The following FAM135B variants were observed in gnomAD, a reference collection of about 807,000 sequenced individuals.
The protein encoded by FAM135B is protein FAM135B.
A neutral mutation model predicts 127.7 loss-of-function variants in FAM135B; 43 were observed. That is an observed-to-expected ratio of 0.34 (90% CI 0.26 to 0.43). The LOEUF (loss-of-function observed/expected upper bound fraction) is 0.43, where lower values mean the gene tolerates loss of function less well. FAM135B is among the 20% of genes least tolerant of loss of function. The pLI, the probability that FAM135B is intolerant of heterozygous loss-of-function variation, is 1.00. For missense variants in FAM135B, 1,558 were observed against 1,725.6 expected, an observed-to-expected ratio of 0.90 and a Z score of 1.72; for synonymous variants, 670 against 665.1, an observed-to-expected ratio of 1.01 and a Z score of -0.11.
In FAM135B at chr8:138,495,456, T is replaced by A. The variant is rs181256869; in HGVS notation, c.-20+1215A>T. Among the ~76,000 whole-genome samples, 163 of 152,294 alleles carry A rather than the reference T, an allele frequency of 1.1e-3. 1 individual carries two copies. The highest frequency in any genetic ancestry group is 3.7e-3 in the African/African-American group (155 of 41,554). On this transcript the variant is annotated intron_variant, in intron 1 of 19. Coordinates refer to ENST00000395297, the MANE Select transcript of FAM135B (RefSeq NM_015912.4). Reference sequence around the variant, plus strand: ...CAGATGAGAGGTTGGCCAAATCACATCCCCTTGGGTAACATAACCACACCA... The same window carrying A: ...CAGATGAGAGGTTGGCCAAATCACAACCCCTTGGGTAACATAACCACACCA...
At chr8:138,284,435 G>A (rs117193804) in intron 3 of FAM135B, among the ~76,000 whole-genome samples, 6,906 of 152,008 alleles carry the variant, frequency 0.045, 204 homozygotes, top group Non-Finnish European at 0.064. Context: ...CTCCCGGCCC[G>A]AAGCCCTTCA....
At chr8:138,481,488 T>C (rs891291335) in intron 1 of FAM135B, among the ~76,000 whole-genome samples, 2 of 152,356 alleles carry the variant, frequency 1.3e-5, no homozygotes, top group African/African-American at 4.8e-5. Context: ...AGAGTGGGTC[T>C]GAGCTAACGC....
intron 1 of FAM135B, among the ~76,000 whole-genome samples, chr8:138,369,129 C>T (rs1830955953): frequency 6.6e-6 from 1 of 152,110 alleles, no homozygotes; most frequent in South Asian, 2.1e-4. Flanking sequence ...ATGCAAGATA[C>T]TGAGTAGACT....
chr8:138,313,407 C>T (rs1175075454), intron 2 of FAM135B, among the ~76,000 whole-genome samples: 2 of 152,212 alleles, frequency 1.3e-5, no homozygotes, highest in East Asian at 1.9e-4. Flanking sequence ...GCTGGGATTA[C>T]AGGCGTGAGC....
intron 12 of FAM135B, among the ~76,000 whole-genome samples, chr8:138,167,257 G>A (rs1037678147): frequency 1.1e-4 from 16 of 152,054 alleles, no homozygotes; most frequent in Admixed American, 2.6e-4. Context: ...ATGCGATGGC[G>A]AGATCTCGGT....
In FAM135B at chr8:138,487,680, T is replaced by C. The variant is rs111894494; in HGVS notation, c.-20+8991A>G. Among the ~76,000 whole-genome samples the C allele has an allele frequency of 1.8e-3, 270 of 152,166 alleles. 1 individual carries two copies. The highest frequency in any genetic ancestry group is 9.6e-3 in the South Asian group (46 of 4,810). On this transcript the variant is annotated intron_variant, in intron 1 of 19. Coordinates refer to ENST00000395297, the MANE Select transcript of FAM135B (RefSeq NM_015912.4). ...GGCTGGGCAGGGGTGGTACTTCTTT[T>C]CTGTTTCAACTGAAGTTTAAAACAC...
At chr8:138,417,937 T>C (rs1834259803) in intron 1 of FAM135B, among the ~76,000 whole-genome samples, 1 of 152,322 alleles carries the variant, frequency 6.6e-6, no homozygotes, top group African/African-American at 2.4e-5. Context: ...GCAATGGTTC[T>C]TAACCATGCT....
rs1372699582 is a variant in FAM135B at position 138,250,954 on chromosome 8, G to T, written c.429C>A (p.His143Gln). The change falls in exon 6 of 20, where the codon CAC becomes CAA. Residue 143 changes from histidine (H) to glutamine (Q), a missense_variant. Transcript: ENST00000395297. ...CCTGGTGGTGCAGACCATTCCGGGGGTGGAAGTGCAGGCCAAGCGTTCGGC... is the reference window on the plus strand; with the variant it reads ...CCTGGTGGTGCAGACCATTCCGGGGTTGGAAGTGCAGGCCAAGCGTTCGGC... ...VSSRTLGLHF[H>Q]PRNGLHHQVP... is the part of the protein sequence containing the mutation. 1.2e-6 allele frequency: 2 copies of T among 1,613,986 alleles called. No individual in the cohort carries two copies. The highest frequency in any genetic ancestry group is 1.7e-5 in the Admixed American group (1 of 60,004).
At chr8:138,429,485 C>T (rs1214224012) in intron 1 of FAM135B, among the ~76,000 whole-genome samples, 1 of 152,016 alleles carries the variant, frequency 6.6e-6, no homozygotes, top group Non-Finnish European at 1.5e-5. Flanking sequence ...CTTCTTGGCA[C>T]GTAAAGGAAG....
chr8:138,173,760 G>C (rs1814141188), intron 11 of FAM135B, among the ~76,000 whole-genome samples: 1 of 152,226 alleles, frequency 6.6e-6, no homozygotes, highest in African/African-American at 2.4e-5. Flanking sequence ...AAAAGTCAGA[G>C]TGATATCTCA....
chr8:138,443,929 T>C (rs536113185), intron 1 of FAM135B, among the ~76,000 whole-genome samples: 4 of 152,120 alleles, frequency 2.6e-5, no homozygotes, highest in East Asian at 1.9e-4. Flanking sequence ...GAGACACACA[T>C]AGGCTCAAAA....
chr8:138,174,320 G>A (rs1272837094), intron 11 of FAM135B, among the ~76,000 whole-genome samples: 1 of 152,180 alleles, frequency 6.6e-6, no homozygotes, highest in African/African-American at 2.4e-5. Context: ...ATTTGGGAGT[G>A]CGCTGCTGCC....
At chr8:138,236,496 T>C (rs562280655) in intron 7 of FAM135B, among the ~76,000 whole-genome samples, 1 of 151,936 alleles carries the variant, frequency 6.6e-6, no homozygotes, top group African/African-American at 2.4e-5. Flanking sequence ...ACAACCTTCT[T>C]TGGTTAAACA....
rs16908689 is a variant in FAM135B at position 138,251,162 on chromosome 8, C to A, written c.369-148G>T. ...TGCAAATGCTCTGCCTGGTAGAAAT[C>A]ATTTTTCCCACCATTGGCAGATGAG... On this transcript the variant is annotated intron_variant, in intron 5 of 19. Transcript: ENST00000395297. The A allele has an allele frequency of 3.6e-3, 3,307 of 930,418 alleles. 86 individuals carry two copies. The African/African-American group carries it at 0.049, about 14-fold the overall frequency. 57.6% of individuals were successfully genotyped at this position (930,418 alleles called of 1,614,324 possible).
intron 1 of FAM135B, among the ~76,000 whole-genome samples, chr8:138,391,269 A>T (rs1211841579): frequency 2.0e-5 from 3 of 152,054 alleles, no homozygotes. Context: ...TCTTATTGCC[A>T]GTGGGGGGCG....
At chr8:138,278,588 G>A (rs1321426764) in intron 3 of FAM135B, among the ~76,000 whole-genome samples, 59 of 106,066 alleles carry the variant, frequency 5.6e-4, no homozygotes, top group African/African-American at 2.1e-3. Context: ...TTTTGAGGCA[G>A]AGTCTTGCTC....
intron 2 of FAM135B, among the ~76,000 whole-genome samples, chr8:138,335,619 G>A (rs1828518727): frequency 1.3e-5 from 2 of 152,098 alleles, no homozygotes; most frequent in South Asian, 4.2e-4. Context: ...AGTACTTAGA[G>A]ACTACAAAGA....
At chr8:138,285,773 TC>T (rs1485889640) in intron 3 of FAM135B, among the ~76,000 whole-genome samples, 1 of 152,192 alleles carries the variant, frequency 6.6e-6, no homozygotes, top group Non-Finnish European at 1.5e-5. Flanking sequence ...CCTGAATTGC[TC>T]TAAACCAAAG....
At chr8:138,421,310 C>A (rs1834494905) in intron 1 of FAM135B, among the ~76,000 whole-genome samples, 2 of 150,048 alleles carry the variant, frequency 1.3e-5, no homozygotes, top group South Asian at 2.1e-4. Context: ...GAGACTCTGT[C>A]AAAAAAAAAT....
Sources: allele counts gnomAD v4.1 joint callset (sites outside exome capture counted in the v4.1 genomes callset), GRCh38; gene constraint gnomAD v4.1.1; transcripts MANE v1.5; gene names NCBI Gene and HGNC (gene_info 2026-07-23, HGNC 2026-07-21).